The following EVC2 variants were observed in gnomAD, a reference collection of about 807,000 sequenced individuals.
EVC2 encodes the protein limbin.
EVC2 carries 148 observed loss-of-function variants against 149.3 expected under a neutral mutation model. The ratio of observed to expected loss-of-function variants is 0.99; its 90% CI spans 0.87 to 1.14. The LOEUF (loss-of-function observed/expected upper bound fraction) is 1.14. Among genes scored for constraint, EVC2 ranks in the 50% most tolerant of loss-of-function variants. EVC2 has a pLI of 0.00. For missense variants in EVC2, 1,854 were observed against 1,627.3 expected, an observed-to-expected ratio of 1.14 and a Z score of -2.40; for synonymous variants, 776 against 649.9, an observed-to-expected ratio of 1.19 and a Z score of -2.95.
rs1395431707 is a variant in EVC2 at position 5,622,578 on chromosome 4, CT to C, written c.2459del (p.Glu820GlyfsTer12). 6.2e-7 allele frequency: 1 copy of C among 1,614,036 alleles called. No individual in the cohort carries two copies. Among genetic ancestry groups the C allele is most frequent in the South Asian group, 1.1e-5 (1 of 91,070 alleles). ...CCCAGCGTCGCAGCTCTGCCTGCTC[CT>C]CTGTCACGGCCTCAGGAGCGTCATC... ...LKDDAPEAVT[E>X]EQAELRRWEH... On this transcript the variant is annotated frameshift_variant, in exon 14 of 22. Transcript: ENST00000344408. LOFTEE classifies it high-confidence loss of function. This position sits in a 1 kb window ranked among gnomAD's most constrained non-coding sequence, Gnocchi z 5.8.
At chr4:5,605,705 G>A (rs112006674) in intron 16 of EVC2, among the ~76,000 whole-genome samples, 186 of 152,318 alleles carry the variant, frequency 1.2e-3, no homozygotes, top group African/African-American at 3.9e-3. Context: ...CATTTTGAGT[G>A]ACAGCCTTAC....
intron 7 of EVC2, among the ~76,000 whole-genome samples, 160 bp downstream of exon 7, chr4:5,681,100 G>A (rs1577245167): frequency 6.6e-6 from 1 of 152,176 alleles, no homozygotes; most frequent in Non-Finnish European, 1.5e-5. Context: ...TAGCCTCAGG[G>A]CACACGGGGG....
chr4:5,653,712 A>C (rs1718302965), intron 9 of EVC2, among the ~76,000 whole-genome samples: 1 of 152,238 alleles, frequency 6.6e-6, no homozygotes. Flanking sequence ...ATGAGTACTA[A>C]GGGAAACTGG....
chr4:5,652,928 C>T (rs1718249380), intron 9 of EVC2, among the ~76,000 whole-genome samples: 1 of 152,152 alleles, frequency 6.6e-6, no homozygotes, highest in African/African-American at 2.4e-5. Context: ...GAACAACAAA[C>T]ATTTATTCCC....
At chr4:5,645,582 G>C (rs1241420268) in intron 9 of EVC2, among the ~76,000 whole-genome samples, 4 of 152,198 alleles carry the variant, frequency 2.6e-5, no homozygotes, top group Admixed American at 2.0e-4. Context: ...TACTGTAAAA[G>C]ACATGATCTC....
upstream of EVC2, chr4:5,708,676 C>G (rs1347499384): frequency 5.8e-6 from 3 of 518,822 alleles, no homozygotes; most frequent in East Asian, 3.5e-5. Context: ...CAGGAGGTGC[C>G]GGACGGGCGT....
rs1049760300 is a variant in EVC2 at position 5,665,620 on chromosome 4, T to C, written c.900A>G (p.Ala300=). ...AGAGGAGGAAGGCAATGAAGAACCC[T>C]GCTGCGTGGAGGCCGTGGTGCGGCA... is the stretch of plus-strand genomic sequence containing the variant. ...TVLPHHGLHA[A]GFFIAFLLSL... The change falls in exon 8 of 22, where the codon GCA becomes GCG. Residue 300 remains alanine, a synonymous_variant. Transcript: ENST00000344408. 4 of 1,614,070 alleles carry C rather than the reference T, an allele frequency of 2.5e-6. No homozygotes were observed. The African/African-American group carries it at 4.0e-5, about 16-fold the overall frequency.
chr4:5,708,575 C>T, upstream of EVC2: 1 of 1,222,500 alleles, frequency 8.2e-7, no homozygotes, highest in East Asian at 3.1e-5. Flanking sequence ...AGCTTCCGGA[C>T]CCCAGGCCCG....
At chr4:5,566,010 C>T (rs563313262) in intron 20 of EVC2, among the ~76,000 whole-genome samples, 7 of 152,338 alleles carry the variant, frequency 4.6e-5, no homozygotes, top group South Asian at 2.1e-4. Flanking sequence ...GAATGCTCTA[C>T]GCAAGCAGGG....
intron 16 of EVC2, among the ~76,000 whole-genome samples, chr4:5,588,904 T>TA (rs1712538124): frequency 6.6e-6 from 1 of 152,228 alleles, no homozygotes; most frequent in Non-Finnish European, 1.5e-5. Context: ...ACAATATAAA[T>TA]AACTCCCACA....
Position 5,567,265 on chromosome 4 carries a change from C to T in EVC2, c.3557+1179G>A, listed in dbSNP as rs536392586. Among the ~76,000 whole-genome samples, 3 of 152,292 alleles carry T rather than the reference C, an allele frequency of 2.0e-5. No individual in the cohort carries two copies. Among genetic ancestry groups the T allele is most frequent in the East Asian group, 1.9e-4 (1 of 5,168 alleles). Reference sequence around the variant, plus strand: ...GACACTGTGGCCTCCTGCCCACACCCGCAGATGTTCCCTCTTCCCCACCCT... The same window carrying T: ...GACACTGTGGCCTCCTGCCCACACCTGCAGATGTTCCCTCTTCCCCACCCT... On this transcript the variant is annotated intron_variant, in intron 20 of 21. Coordinates refer to ENST00000344408, the MANE Select transcript of EVC2 (RefSeq NM_147127.5). The surrounding 1 kb of genome is among the most constrained non-coding windows in gnomAD (Gnocchi z 4.4).
At chr4:5,531,518 C>T in the EVC2 span, among the ~76,000 whole-genome samples, 845 of 152,274 alleles carry the variant, frequency 5.5e-3, 10 homozygotes, top group Non-Finnish European at 9.3e-3. Flanking sequence ...GTATTGACAG[C>T]CGCTCCCCAT....
chr4:5,592,874 G>C (rs965857423), intron 16 of EVC2, among the ~76,000 whole-genome samples: 3 of 152,136 alleles, frequency 2.0e-5, no homozygotes, highest in South Asian at 4.1e-4. Context: ...ATATGGTTTG[G>C]CTGTGTCCCC....
In EVC2 at chr4:5,613,409, G is replaced by C. The variant is rs894214520; in HGVS notation, c.2829+2013C>G. 6.6e-6 allele frequency among the ~76,000 whole-genome samples: 1 copy of C among 152,146 alleles called. No individual in the cohort carries two copies. The highest frequency in any genetic ancestry group is 1.5e-5 in the Non-Finnish European group (1 of 68,032). ...TCTGGCGGGTTTCACCTCTTACAGA[G>C]GATCACAAAGCAGCCGGTACTCAGG... On this transcript the variant is annotated intron_variant, in intron 16 of 21. Transcript: ENST00000344408. The surrounding 1 kb of genome is among the most constrained non-coding windows in gnomAD (Gnocchi z 4.6).
chr4:5,566,807 CA>C (rs1458602618), intron 20 of EVC2, among the ~76,000 whole-genome samples: 11 of 152,092 alleles, frequency 7.2e-5, no homozygotes, highest in African/African-American at 2.7e-4. Flanking sequence ...GCACCAAAAA[CA>C]AGGTCCACAG....
Position 5,622,394 on chromosome 4 carries a change from T to G in EVC2, c.2501+143A>C, listed in dbSNP as rs1468275992. 3 of 983,548 alleles carry G rather than the reference T, an allele frequency of 3.1e-6. No homozygotes were observed. Among genetic ancestry groups the G allele is most frequent in the Admixed American group, 2.0e-5 (1 of 49,018 alleles). 60.9% of individuals were successfully genotyped at this position (983,548 alleles called of 1,614,324 possible). A position where few individuals can be genotyped will look rare whatever the true frequency, so the allele number is the denominator to read the frequency against. ...GAGGTCCTCCCCCCGGGGCGTTGAG[T>G]TTATATGACTAATTAACGCTGGTAA... On this transcript the variant is annotated intron_variant, in intron 14 of 21. Transcript: ENST00000344408. This position sits in a 1 kb window ranked among gnomAD's most constrained non-coding sequence, Gnocchi z 5.8.
rs1715192028 is a variant in EVC2, at chr4:5,615,645, C to T, written c.2707-101G>A. The T allele has an allele frequency of 4.6e-6, 7 of 1,529,506 alleles. No homozygotes were observed. In the Admixed American group the frequency reaches 1.2e-4, roughly 26 times the overall value. The allele number at this position is 1,529,506 out of a possible 1,614,324, so 94.7% of individuals were successfully genotyped here. On this transcript the variant is annotated intron_variant, in intron 15 of 21. Transcript: ENST00000344408. ...CAGGTCAAGAGAAGTTTCTGCAGCT[C>T]CCAGAACTGCAAAACTCTGCCTTAG...
intron 21 of EVC2, among the ~76,000 whole-genome samples, chr4:5,551,502 G>T (rs1379739685): frequency 6.6e-6 from 1 of 152,320 alleles, no homozygotes; most frequent in South Asian, 2.1e-4. Flanking sequence ...TACCTCCATT[G>T]TATCTAGCAA....
At chr4:5,688,692 A>C (rs1180466424) in intron 5 of EVC2, among the ~76,000 whole-genome samples, 1 of 152,096 alleles carries the variant, frequency 6.6e-6, no homozygotes, top group Non-Finnish European at 1.5e-5. Context: ...TGAACACCTG[A>C]ACACACCTGG....
Sources: allele counts gnomAD v4.1 joint callset (sites outside exome capture counted in the v4.1 genomes callset), GRCh38; gene constraint gnomAD v4.1.1; non-coding constraint Gnocchi (gnomAD v3.1); transcripts MANE v1.5; gene names NCBI Gene and HGNC (gene_info 2026-07-23, HGNC 2026-07-21).